GMDS: variants seen among roughly 807,000 people sequenced by gnomAD.
GMDS encodes GDP-mannose 4,6 dehydratase.
A neutral mutation model predicts 49.9 loss-of-function variants in GMDS; 20 were observed. That is an observed-to-expected ratio of 0.40 (90% CI 0.28 to 0.58). The LOEUF (loss-of-function observed/expected upper bound fraction) is 0.58. Among genes scored for constraint, GMDS ranks in the 20% least tolerant of loss-of-function variants. The pLI, the probability that GMDS is intolerant of heterozygous loss-of-function variation, is 0.42. For synonymous variants in GMDS, 177 were observed against 178.6 expected (o/e 0.99, Z 0.07); for missense variants, 362 against 481.4 (o/e 0.75, Z 2.32).
intron 1 of GMDS, among the ~76,000 whole-genome samples, chr6:2,134,773 A>G (rs1207953014): frequency 2.6e-5 from 4 of 152,260 alleles, no homozygotes; most frequent in Admixed American, 6.5e-5. Context: ...TGAGTCATAT[A>G]GTTAAGCTAT....
intron 4 of GMDS, among the ~76,000 whole-genome samples, chr6:2,112,786 TC>T (rs750185444): frequency 1.8e-4 from 27 of 151,982 alleles, no homozygotes; most frequent in Non-Finnish European, 3.1e-4. Context: ...TGGTCCTCAT[TC>T]TCCTAGCCTC....
chr6:1,643,912 G>C (rs923425238), intron 9 of GMDS, among the ~76,000 whole-genome samples: 2 of 152,090 alleles, frequency 1.3e-5, no homozygotes, highest in African/African-American at 4.8e-5. Context: ...GGAAACAAAG[G>C]AGCAAAGCAC....
chr6:1,801,388 G>A (rs1769943944), intron 7 of GMDS, among the ~76,000 whole-genome samples: 1 of 152,214 alleles, frequency 6.6e-6, no homozygotes, highest in South Asian at 2.1e-4. Context: ...TAGCTATTCA[G>A]TAGATAAGTA....
At chr6:1,704,543 C>T (rs1397420616) in intron 9 of GMDS, among the ~76,000 whole-genome samples, 2 of 152,204 alleles carry the variant, frequency 1.3e-5, no homozygotes, top group Non-Finnish European at 2.9e-5. Context: ...ATTAAAGGAA[C>T]ACCCCAGAAA....
intron 1 of GMDS, among the ~76,000 whole-genome samples, chr6:2,212,760 A>G (rs1780130974): frequency 6.6e-6 from 1 of 151,738 alleles, no homozygotes; most frequent in African/African-American, 2.4e-5. Context: ...TTACTACTTG[A>G]AAACAACATG....
intron 7 of GMDS, among the ~76,000 whole-genome samples, chr6:1,791,978 TGTC>T (rs1561807765): frequency 2.0e-5 from 3 of 152,290 alleles, no homozygotes. Flanking sequence ...CCAAATGATG[TGTC>T]TATTCTGTTA....
intron 4 of GMDS, among the ~76,000 whole-genome samples, chr6:2,107,100 A>G (rs1774286780): frequency 1.3e-5 from 2 of 152,186 alleles, no homozygotes; most frequent in Non-Finnish European, 2.9e-5. Flanking sequence ...AGGGTGAAAA[A>G]CCCAACAAGC....
chr6:2,035,969 G>A (rs951404703), intron 4 of GMDS, among the ~76,000 whole-genome samples: 15 of 152,226 alleles, frequency 9.9e-5, no homozygotes, highest in African/African-American at 3.6e-4. Flanking sequence ...TTACAGGTAT[G>A]AGCCACCGCG....
intron 8 of GMDS, among the ~76,000 whole-genome samples, chr6:1,738,518 A>C (rs745863233): frequency 6.6e-6 from 1 of 152,218 alleles, no homozygotes; most frequent in Non-Finnish European, 1.5e-5. Context: ...ACAACGGATA[A>C]ATTTTAAAAA....
At chr6:2,174,489 A>G (rs1778172903) in intron 1 of GMDS, among the ~76,000 whole-genome samples, 2 of 152,302 alleles carry the variant, frequency 1.3e-5, no homozygotes, top group Admixed American at 1.3e-4. Flanking sequence ...CATCTTAAGT[A>G]TTGTTGAGAC....
At chr6:1,752,763 G>C (rs1767783788) in intron 7 of GMDS, among the ~76,000 whole-genome samples, 1 of 152,172 alleles carries the variant, frequency 6.6e-6, no homozygotes, top group Admixed American at 6.5e-5. Flanking sequence ...TTTCAACTCA[G>C]AATTCCATAT....
At chr6:1,780,324 A>G (rs547158043) in intron 7 of GMDS, among the ~76,000 whole-genome samples, 18 of 152,280 alleles carry the variant, frequency 1.2e-4, no homozygotes, top group African/African-American at 4.1e-4. Flanking sequence ...AGTGCCACAG[A>G]GATTCTTTTA....
At chr6:1,921,366 C>T (rs1761706991) in intron 7 of GMDS, among the ~76,000 whole-genome samples, 1 of 152,164 alleles carries the variant, frequency 6.6e-6, no homozygotes, top group East Asian at 1.9e-4. Flanking sequence ...AGGTGTCTTT[C>T]ATTAAACAAC....
At chr6:1,777,293 T>A (rs1255061411) in intron 7 of GMDS, among the ~76,000 whole-genome samples, 1 of 152,254 alleles carries the variant, frequency 6.6e-6, no homozygotes. Context: ...TCAAAGGTAA[T>A]GTTCATTCCA....
chr6:2,110,498 G>A (rs1274810277), intron 4 of GMDS, among the ~76,000 whole-genome samples: 1 of 151,244 alleles, frequency 6.6e-6, no homozygotes, highest in Non-Finnish European at 1.5e-5. Flanking sequence ...TTCTAACTTC[G>A]TGCCAGGTCA....
At chr6:2,130,048 A>T (rs1302167272) in intron 1 of GMDS, among the ~76,000 whole-genome samples, 1 of 152,202 alleles carries the variant, frequency 6.6e-6, no homozygotes, top group East Asian at 1.9e-4. Context: ...AATGAAAACC[A>T]GGTCTCTGGA....
At position 1,816,153 on chromosome 6, in the gene GMDS, G is replaced by A. The variant is rs111395577; in HGVS notation, c.772-73567C>T. 3.9e-3 allele frequency among the ~76,000 whole-genome samples: 597 copies of A among 152,292 alleles called. 8 individuals carry two copies. The highest frequency in any genetic ancestry group is 0.014 in the African/African-American group (577 of 41,542). ...TGGTGGGATAGGGTAGGCGGTAGAG[G>A]GTGGGAGAAGAAGTGACCATTCATT... is the stretch of plus-strand genomic sequence containing the variant. On this transcript the variant is annotated intron_variant, in intron 7 of 10. Coordinates refer to ENST00000380815, the MANE Select transcript of GMDS (RefSeq NM_001500.4).
chr6:2,116,126 G>T (rs1384335299), intron 3 of GMDS, among the ~76,000 whole-genome samples: 1 of 152,082 alleles, frequency 6.6e-6, no homozygotes, highest in African/African-American at 2.4e-5. Context: ...GTTTTTTAAA[G>T]CACAGTATCA....
At chr6:1,742,844 T>G (rs1767327573) in intron 7 of GMDS, among the ~76,000 whole-genome samples, 1 of 152,180 alleles carries the variant, frequency 6.6e-6, no homozygotes, top group South Asian at 2.1e-4. Flanking sequence ...CTCAGAATAT[T>G]TATCCTTAAC....
Sources: allele counts gnomAD v4.1 joint callset (sites outside exome capture counted in the v4.1 genomes callset), GRCh38; gene constraint gnomAD v4.1.1; transcripts MANE v1.5; gene names NCBI Gene and HGNC (gene_info 2026-07-23, HGNC 2026-07-21).